GLMN: variants seen among roughly 807,000 people sequenced by gnomAD.
The protein encoded by GLMN is glomulin, FKBP associated protein, also known as glomulin.
Under a neutral mutation model 87.8 loss-of-function variants are expected in GLMN, and 75 were observed. That is an observed-to-expected ratio of 0.85 (90% CI 0.71 to 1.04). The LOEUF (loss-of-function observed/expected upper bound fraction) is 1.04, where lower values mean the gene tolerates loss of function less well. GLMN is among the 50% of genes least tolerant of loss of function. GLMN has a pLI of 0.00. For synonymous variants in GLMN, 206 were observed against 221.6 expected, an observed-to-expected ratio of 0.93 and a Z score of 0.63; for missense variants, 588 against 658.8, an observed-to-expected ratio of 0.89 and a Z score of 1.18.
chr1:92,343,323 C>T, the GLMN span, among the ~76,000 whole-genome samples: 6 of 152,160 alleles, frequency 3.9e-5, no homozygotes, highest in Non-Finnish European at 7.3e-5. Flanking sequence ...TCACAAGAAC[C>T]CTGTGAGGTG....
At chr1:92,351,527 A>G in the GLMN span, among the ~76,000 whole-genome samples, 1 of 152,138 alleles carries the variant, frequency 6.6e-6, no homozygotes, top group African/African-American at 2.4e-5. Flanking sequence ...AAGATTTTCT[A>G]GCCATAGGAC....
chr1:92,334,706 G>T, the GLMN span, among the ~76,000 whole-genome samples: 12 of 151,948 alleles, frequency 7.9e-5, no homozygotes, highest in Non-Finnish European at 1.8e-4. Context: ...TAAAAATTCG[G>T]CCGAGTGCAG....
At chr1:92,284,458 G>A (rs561889336) in intron 7 of GLMN, among the ~76,000 whole-genome samples, 1 of 152,122 alleles carries the variant, frequency 6.6e-6, no homozygotes, top group African/African-American at 2.4e-5. Flanking sequence ...TACACCTTAT[G>A]CAAAAATTAA....
chr1:92,260,765 G>GAAAA lies in GLMN; in HGVS notation c.1473+2094_1473+2097dup, dbSNP rs765865353. On this transcript the variant is annotated intron_variant, in intron 16 of 18. Coordinates refer to ENST00000370360, the MANE Select transcript of GLMN (RefSeq NM_053274.3). ...AGTGAGACACTGTCTCTTTGAGATG[G>GAAAA]AAAAAAAAAAAAAAAAAAAAAGGCA... is the stretch of plus-strand genomic sequence containing the variant. Among the ~76,000 whole-genome samples, 137 of 100,040 alleles carry GAAAA rather than the reference G, an allele frequency of 1.4e-3. 1 individual carries two copies. Among genetic ancestry groups the GAAAA allele is most frequent in the African/African-American group, 4.3e-3 (113 of 26,488 alleles). 65.6% of individuals were successfully genotyped at this position (100,040 alleles called of 152,430 possible).
the GLMN span, among the ~76,000 whole-genome samples, chr1:92,357,607 C>G: frequency 6.6e-6 from 1 of 152,236 alleles, no homozygotes; most frequent in African/African-American, 2.4e-5. Context: ...TCTTGGCTCA[C>G]TGCAACCTCT....
chr1:92,339,142 T>G, the GLMN span, among the ~76,000 whole-genome samples: 2 of 152,324 alleles, frequency 1.3e-5, no homozygotes, highest in African/African-American at 4.8e-5. Flanking sequence ...AGATCTAATT[T>G]GATGTCTCTT....
chr1:92,345,355 C>A, the GLMN span, among the ~76,000 whole-genome samples: 10 of 119,466 alleles, frequency 8.4e-5, no homozygotes, highest in African/African-American at 3.0e-4. Flanking sequence ...GCAGCCCAGG[C>A]AACATAGCAA....
At chr1:92,308,156 A>G in the GLMN span, among the ~76,000 whole-genome samples, 1,612 of 152,248 alleles carry the variant, frequency 0.011, 31 homozygotes, top group African/African-American at 0.037. Flanking sequence ...AATAACATCA[A>G]TTATGCTGAC....
chr1:92,344,677 C>T, the GLMN span, among the ~76,000 whole-genome samples: 1 of 151,996 alleles, frequency 6.6e-6, no homozygotes, highest in Admixed American at 6.6e-5. Context: ...TAGATATTGC[C>T]AAATTGTCAT....
the GLMN span, among the ~76,000 whole-genome samples, chr1:92,343,811 A>G: frequency 1.3e-5 from 2 of 152,172 alleles, no homozygotes; most frequent in Admixed American, 6.5e-5. Flanking sequence ...GGTCAGGAAT[A>G]TTGGGTTTGG....
At chr1:92,299,063 T>G, upstream of GLMN, 1 of 1,473,160 alleles carries the variant, frequency 6.8e-7, no homozygotes, top group East Asian at 2.7e-5. Context: ...TCCGGCAGAC[T>G]ACTCTCCCCC....
the GLMN span, chr1:92,307,197 A>G: frequency 6.2e-7 from 1 of 1,610,008 alleles, no homozygotes; most frequent in Non-Finnish European, 8.5e-7. Flanking sequence ...GTCTTTTTGC[A>G]GCAATTTTTG....
At chr1:92,332,861 C>T in the GLMN span, among the ~76,000 whole-genome samples, 1 of 152,094 alleles carries the variant, frequency 6.6e-6, no homozygotes, top group Non-Finnish European at 1.5e-5. Flanking sequence ...GGATCTCAGA[C>T]TGTAATTCTT....
the GLMN span, among the ~76,000 whole-genome samples, chr1:92,317,136 C>A: frequency 9.2e-5 from 14 of 152,088 alleles, no homozygotes; most frequent in African/African-American, 3.4e-4. Context: ...TAATTCGAAT[C>A]CTAGATTTAC....
chr1:92,263,007 T>C (rs1392318196), intron 15 of GLMN, 81 bp from the exon 16 acceptor site: 4 of 640,902 alleles, frequency 6.2e-6, no homozygotes, highest in Non-Finnish European at 1.2e-5. Flanking sequence ...ACTTTGGTCA[T>C]ATTTTTATAA....
the GLMN span, chr1:92,304,331 T>C: frequency 1.3e-6 from 2 of 1,520,126 alleles, no homozygotes; most frequent in African/African-American, 1.4e-5. Context: ...ATAAAGTCTA[T>C]GATATTACTG....
intron 7 of GLMN, among the ~76,000 whole-genome samples, chr1:92,285,432 G>A (rs939065416): frequency 6.6e-6 from 1 of 152,126 alleles, no homozygotes; most frequent in Non-Finnish European, 1.5e-5. Context: ...CATGGACACA[G>A]GGTGGGGAAC....
chr1:92,319,262 C>A, the GLMN span, among the ~76,000 whole-genome samples: 1 of 152,114 alleles, frequency 6.6e-6, no homozygotes, highest in East Asian at 1.9e-4. Flanking sequence ...CACATATTGT[C>A]TTGAATAACA....
the GLMN span, among the ~76,000 whole-genome samples, chr1:92,326,157 A>G: frequency 6.6e-6 from 1 of 151,652 alleles, no homozygotes; most frequent in African/African-American, 2.4e-5. Context: ...ACTATATGGG[A>G]GTTTCCTTGA....
Sources: allele counts gnomAD v4.1 joint callset (sites outside exome capture counted in the v4.1 genomes callset), GRCh38; gene constraint gnomAD v4.1.1; transcripts MANE v1.5; gene names NCBI Gene and HGNC (gene_info 2026-07-23, HGNC 2026-07-21).